ATXN7L1: variants seen among roughly 807,000 people sequenced by gnomAD.
The protein encoded by ATXN7L1 is ataxin 7 like 1, also known as ataxin-7-like protein 1.
ATXN7L1 carries 15 observed loss-of-function variants against 70.8 expected under a neutral mutation model. The ratio of observed to expected loss-of-function variants is 0.21; its 90% confidence interval spans 0.14 to 0.33. The LOEUF is 0.33. ATXN7L1 is among the 10% of genes least tolerant of loss of function. ATXN7L1 has a pLI of 1.00. For synonymous variants in ATXN7L1, 440 were observed against 445.1 expected (o/e 0.99, Z 0.14); for missense variants, 975 against 1,097.1 (o/e 0.89, Z 1.57).
chr7:105,614,549 G>A lies in ATXN7L1; in HGVS notation c.1785C>T (p.Asp595=). ...PHVAATLSIM[D]STFKAPSAVS... ...CGGCGGATGGGGCCTTGAAGGTTGAGTCCATGATGCTGAGGGTTGCGGCCA... is the reference window on the plus strand; with the variant it reads ...CGGCGGATGGGGCCTTGAAGGTTGAATCCATGATGCTGAGGGTTGCGGCCA... Residue 595 remains aspartate (D), a synonymous_variant, in exon 10 of 12, where the codon GAC becomes GAT. Transcript: ENST00000419735. This position sits in a 1 kb window ranked among gnomAD's most constrained non-coding sequence, Gnocchi z 4.3. 6.5e-7 allele frequency: 1 copy of A among 1,545,100 alleles called. No homozygotes were observed. The highest frequency in any genetic ancestry group is 8.8e-7 in the Non-Finnish European group (1 of 1,142,594).
chr7:105,844,890 G>A (rs1813743605), intron 2 of ATXN7L1, among the ~76,000 whole-genome samples: 2 of 152,164 alleles, frequency 1.3e-5, no homozygotes, highest in South Asian at 2.1e-4. Flanking sequence ...ACACGGTTGC[G>A]GAATAAAAGA....
At chr7:105,672,874 G>C (rs1803982936) in intron 3 of ATXN7L1, among the ~76,000 whole-genome samples, 1 of 152,216 alleles carries the variant, frequency 6.6e-6, no homozygotes, top group Non-Finnish European at 1.5e-5. Context: ...CAATCACAAA[G>C]AGTTGGGGGG....
rs1401654153 is a variant in ATXN7L1 at position 105,639,594 on chromosome 7, T to A, written c.863-25A>T. 7 of 1,507,942 alleles carry A rather than the reference T, an allele frequency of 4.6e-6. No individual in the cohort carries two copies. In the Admixed American group the frequency reaches 1.2e-4, roughly 26 times the overall value. 93.4% of individuals were successfully genotyped at this position (1,507,942 alleles called of 1,614,324 possible). On this transcript the variant is annotated intron_variant, in intron 5 of 11. Transcript: ENST00000419735. Reference sequence around the variant, plus strand: ...TCTGGTTTAAGAAACAAACAAAAAATATAAGAAAAAAGGAGACTAAATAGG... The same window carrying A: ...TCTGGTTTAAGAAACAAACAAAAAAAATAAGAAAAAAGGAGACTAAATAGG...
chr7:105,628,792 C>T (rs1584392445), intron 7 of ATXN7L1, among the ~76,000 whole-genome samples: 1 of 141,938 alleles, frequency 7.0e-6, no homozygotes, highest in Admixed American at 7.3e-5. Context: ...GACTCCATCT[C>T]AAATAAATAA....
intron 3 of ATXN7L1, among the ~76,000 whole-genome samples, chr7:105,711,197 A>G (rs1186136169): frequency 6.6e-6 from 1 of 151,930 alleles, no homozygotes; most frequent in Non-Finnish European, 1.5e-5. Context: ...TGATCCAATG[A>G]CCTCCCACTA....
intron 2 of ATXN7L1, among the ~76,000 whole-genome samples, chr7:105,842,198 T>C (rs1212387444): frequency 3.9e-4 from 6 of 15,352 alleles, no homozygotes; most frequent in African/African-American, 2.0e-3. Context: ...GTAGAAGGGT[T>C]TTTTTTTTTT....
At chr7:105,818,576 G>C (rs1809549506) in intron 2 of ATXN7L1, among the ~76,000 whole-genome samples, 1 of 152,200 alleles carries the variant, frequency 6.6e-6, no homozygotes, top group South Asian at 2.1e-4. Flanking sequence ...TGAATGATCA[G>C]CTGCCCTAAC....
intron 3 of ATXN7L1, among the ~76,000 whole-genome samples, chr7:105,774,032 G>A (rs915702402): frequency 6.6e-6 from 1 of 152,104 alleles, no homozygotes; most frequent in African/African-American, 2.4e-5. Context: ...CACCCCACTT[G>A]TCTCCCAGGC....
chr7:105,635,011 T>A (rs1437240684), intron 7 of ATXN7L1, among the ~76,000 whole-genome samples: 1 of 152,100 alleles, frequency 6.6e-6, no homozygotes, highest in Non-Finnish European at 1.5e-5. Context: ...TACCCCAGAC[T>A]CATCCCTGCC....
intron 3 of ATXN7L1, among the ~76,000 whole-genome samples, chr7:105,768,591 G>C (rs1023020729): frequency 6.6e-6 from 1 of 152,198 alleles, no homozygotes; most frequent in African/African-American, 2.4e-5. Flanking sequence ...ACATGTACTT[G>C]GAGTTTTTGG....
chr7:105,645,872 T>C (rs1199402064), intron 4 of ATXN7L1, among the ~76,000 whole-genome samples: 1 of 151,178 alleles, frequency 6.6e-6, no homozygotes, highest in East Asian at 1.9e-4. Context: ...CCAGGGGTGG[T>C]GGTGCATGCC....
intron 2 of ATXN7L1, among the ~76,000 whole-genome samples, chr7:105,819,040 C>G (rs1399197260): frequency 6.6e-6 from 1 of 151,836 alleles, no homozygotes; most frequent in African/African-American, 2.4e-5. Flanking sequence ...CCCAGCCCCC[C>G]ACCCCCGGAG....
At chr7:105,751,846 C>G (rs1426685760) in intron 3 of ATXN7L1, among the ~76,000 whole-genome samples, 1 of 152,250 alleles carries the variant, frequency 6.6e-6, no homozygotes, top group Non-Finnish European at 1.5e-5. Context: ...AGGGAGCCGT[C>G]AGCTCTGCCT....
At chr7:105,649,563 G>T (rs1389745808) in intron 4 of ATXN7L1, 1 of 987,820 alleles carries the variant, frequency 1.0e-6, no homozygotes, top group Non-Finnish European at 1.2e-6. Context: ...AGTGATGTCT[G>T]CAAAAGAACA....
At chr7:105,697,087 G>A (rs534143476) in intron 3 of ATXN7L1, among the ~76,000 whole-genome samples, 45 of 152,226 alleles carry the variant, frequency 3.0e-4, no homozygotes, top group African/African-American at 9.2e-4. Context: ...GAGGCAGGGC[G>A]AGATCACAGG....
chr7:105,618,858 G>T (rs981665448), intron 9 of ATXN7L1, among the ~76,000 whole-genome samples: 3 of 152,182 alleles, frequency 2.0e-5, no homozygotes, highest in Admixed American at 2.0e-4. Flanking sequence ...CCAGATTAAG[G>T]CTTCTTCCCT....
intron 3 of ATXN7L1, among the ~76,000 whole-genome samples, chr7:105,695,107 C>T (rs185859730): frequency 1.3e-3 from 199 of 151,848 alleles, no homozygotes; most frequent in Non-Finnish European, 2.3e-3. Flanking sequence ...GCCGAGATCA[C>T]ACCATTGCAT....
In ATXN7L1 at chr7:105,614,911, G is replaced by A; in HGVS notation, c.1518-95C>T. 1 of 1,402,512 alleles carries A rather than the reference G, an allele frequency of 7.1e-7. No individual in the cohort carries two copies. Among genetic ancestry groups the A allele is most frequent in the Non-Finnish European group, 9.5e-7 (1 of 1,047,362 alleles). The allele number at this position is 1,402,512 out of a possible 1,614,324, so 86.9% of individuals were successfully genotyped here. ...ACGTTTGAGGATCAGGGCTACAGAG[G>A]ACACCCCGGCAGAACCAGACTATGG... On this transcript the variant is annotated intron_variant, in intron 9 of 11. Coordinates refer to ENST00000419735, the MANE Select transcript of ATXN7L1 (RefSeq NM_020725.2). The surrounding 1 kb of genome is among the most constrained non-coding windows in gnomAD (Gnocchi z 4.3).
chr7:105,705,149 C>G (rs1443285173), intron 3 of ATXN7L1, among the ~76,000 whole-genome samples: 1 of 152,016 alleles, frequency 6.6e-6, no homozygotes, highest in Non-Finnish European at 1.5e-5. Flanking sequence ...CTCAGTCTCC[C>G]AAGTAGCTGG....
Sources: allele counts gnomAD v4.1 joint callset (sites outside exome capture counted in the v4.1 genomes callset), GRCh38; gene constraint gnomAD v4.1.1; non-coding constraint Gnocchi (gnomAD v3.1); transcripts MANE v1.5; gene names NCBI Gene and HGNC (gene_info 2026-07-23, HGNC 2026-07-21).